The following MYCN variants were observed in gnomAD, a reference collection of about 807,000 sequenced individuals.
The protein encoded by MYCN is MYCN proto-oncogene, bHLH transcription factor.
A neutral mutation model predicts 28.1 loss-of-function variants in MYCN; 3 were observed. The observed-to-expected ratio is 0.11, with a 90% CI of 0.05 to 0.28. The LOEUF is 0.28. Among genes scored for constraint, MYCN ranks in the 10% least tolerant of loss-of-function variants. MYCN has a pLI of 1.00. For synonymous variants in MYCN, 326 were observed against 288.3 expected (o/e 1.13, Z -1.32); for missense variants, 572 against 651.4 (o/e 0.88, Z 1.33).
At chr2:15,943,751 C>T (rs1485373155) in intron 2 of MYCN, among the ~76,000 whole-genome samples, 1 of 152,200 alleles carries the variant, frequency 6.6e-6, no homozygotes, top group Non-Finnish European at 1.5e-5. Flanking sequence ...ACTCAGCAGC[C>T]TCTCCAGGAA....
In MYCN at chr2:15,946,894, GTAAA is replaced by G. The variant is rs531921949; in HGVS notation, c.*799_*802del. ...GTTCATGTTTGGTGCATAGAACTGG[GTAAA>G]TGCAAAGTTCTGTGTTTAATTTCTT... On this transcript the variant is annotated 3_prime_UTR_variant, in exon 3 of 3. Coordinates refer to ENST00000281043, the MANE Select transcript of MYCN (RefSeq NM_005378.6). The G allele has an allele frequency of 8.1e-4, 176 of 217,804 alleles. 1 individual carries two copies. The highest frequency in any genetic ancestry group is 1.4e-3 in the Non-Finnish European group (147 of 108,130). The allele number at this position is 217,804 out of a possible 1,614,324, so 13.5% of individuals were successfully genotyped here.
rs1255551705 is a variant in MYCN at position 15,946,058 on chromosome 2, G to A, written c.1356G>A (p.Gln452=). The change falls in exon 3 of 3, where the codon CAG becomes CAA. Residue 452 remains glutamine, a synonymous_variant. Transcript: ENST00000281043. The part of the protein sequence containing the change: ...LEKEKLQARQ[Q]QLLKKIEHAR... ...AGGAAAAATTGCAGGCAAGACAGCA[G>A]CAGTTGCTAAAGAAAATTGAACACG... 1.2e-6 allele frequency: 2 copies of A among 1,614,124 alleles called. No homozygotes were observed. The highest frequency in any genetic ancestry group is 1.7e-6 in the Non-Finnish European group (2 of 1,180,052).
At position 15,941,862 on chromosome 2, in the gene MYCN, G is replaced by T. The variant is rs1662686211; in HGVS notation, c.-117-86G>T. The T allele has an allele frequency of 1.6e-6, 1 of 623,598 alleles. No homozygotes were observed. The highest frequency in any genetic ancestry group is 1.8e-5 in the African/African-American group (1 of 54,350). 38.6% of individuals were successfully genotyped at this position (623,598 alleles called of 1,614,324 possible). A position where few individuals can be genotyped will look rare whatever the true frequency, so the allele number is the denominator to read the frequency against. On this transcript the variant is annotated intron_variant, in intron 1 of 2. Transcript: ENST00000281043. This position sits in a 1 kb window ranked among gnomAD's most constrained non-coding sequence, Gnocchi z 4.8. ...GTGGGGGGCTTGGAGGGAAGATTGG[G>T]GAACCTGGTTAGAGGGGGCGCCCAT... is the stretch of plus-strand genomic sequence containing the variant.
intron 2 of MYCN, among the ~76,000 whole-genome samples, chr2:15,944,407 G>T (rs1662803790): frequency 6.6e-6 from 1 of 152,122 alleles, no homozygotes; most frequent in South Asian, 2.1e-4. Flanking sequence ...CCCATTTGGG[G>T]GTTTATACCA....
rs2103324043 is a variant in MYCN, at chr2:15,942,244, G to A, written c.180G>A (p.Pro60=). 6.2e-7 allele frequency: 1 copy of A among 1,612,798 alleles called. No individual in the cohort carries two copies. Among genetic ancestry groups the A allele is most frequent in the Non-Finnish European group, 8.5e-7 (1 of 1,179,872 alleles). ...WKKFELLPTP[P]LSPSRGFAEH... is the part of the protein sequence containing the mutation. The stretch of plus-strand genomic sequence containing the variant: ...AGTTTGAGCTGCTGCCCACGCCCCC[G>A]CTGTCGCCCAGCCGTGGCTTCGCGG... Residue 60 remains proline, a synonymous_variant, in exon 2 of 3, where the codon CCG becomes CCA. Transcript: ENST00000281043. The surrounding 1 kb of genome is among the most constrained non-coding windows in gnomAD (Gnocchi z 7.0).
At chr2:15,944,836 G>A (rs137893042) in intron 2 of MYCN, among the ~76,000 whole-genome samples, 33 of 152,152 alleles carry the variant, frequency 2.2e-4, no homozygotes, top group African/African-American at 7.2e-4. Context: ...ACTAGTCTGC[G>A]GTGGAGCCAG....
rs1010283630 is a variant in MYCN at position 15,944,190 on chromosome 2, G to A, written c.791-1303G>A. 3.3e-5 allele frequency among the ~76,000 whole-genome samples: 5 copies of A among 152,118 alleles called. No homozygotes were observed. In the East Asian group the frequency reaches 5.8e-4, roughly 18 times the overall value. On this transcript the variant is annotated intron_variant, in intron 2 of 2. Transcript: ENST00000281043. ...ACAGACTGGAACAGCCTCACATTTC[G>A]GCTTTAGAACAAATCCCACAATTGT...
At position 15,942,825 on chromosome 2, in the gene MYCN, C is replaced by A; in HGVS notation, c.761C>A (p.Thr254Asn). The stretch of plus-strand genomic sequence containing the variant: ...GGCGGCGACCACAAGGCCCTCAGTA[C>A]CTCCGGAGAGGACACCCTGAGCGAT... ...TSGGDHKALS[T>N]SGEDTLSDSD... Residue 254 changes from threonine (T) to asparagine (N), a missense_variant, in exon 2 of 3, where the codon ACC becomes AAC. Thr to Asn is a moderately conservative substitution (Grantham distance 65). Transcript: ENST00000281043. This position sits in a 1 kb window ranked among gnomAD's most constrained non-coding sequence, Gnocchi z 7.0. 1 of 1,578,572 alleles carries A rather than the reference C, an allele frequency of 6.3e-7. No individual in the cohort carries two copies. Among genetic ancestry groups the A allele is most frequent in the African/African-American group, 1.3e-5 (1 of 74,166 alleles).
At chr2:15,944,994 G>A (rs1558535635) in intron 2 of MYCN, among the ~76,000 whole-genome samples, 2 of 140,194 alleles carry the variant, frequency 1.4e-5, no homozygotes, top group South Asian at 4.6e-4. Flanking sequence ...GTATGTATGG[G>A]GGGTTGTTTT....
rs1037980749 is a variant in MYCN at position 15,942,006 on chromosome 2, C to T, written c.-59C>T. On this transcript the variant is annotated 5_prime_UTR_variant, in exon 2 of 3. Transcript: ENST00000281043. This position sits in a 1 kb window ranked among gnomAD's most constrained non-coding sequence, Gnocchi z 7.0. Reference sequence around the variant, plus strand: ...GCCCCCCACGGGAAGGAAGCACCCCCGGTATTAAAACGAACGGGGCGGAAA... The same window carrying T: ...GCCCCCCACGGGAAGGAAGCACCCCTGGTATTAAAACGAACGGGGCGGAAA... 618 of 1,606,308 alleles carry T rather than the reference C, an allele frequency of 3.8e-4. 1 individual carries two copies. The highest frequency in any genetic ancestry group is 5.0e-4 in the Non-Finnish European group (588 of 1,176,906).
rs771181407 is a variant in MYCN, at chr2:15,946,696, G to A, written c.*599G>A. Reference sequence around the variant, plus strand: ...ATTCTTACACTGCCTGTATACTTTAGTATGACGCTGATACATAACTAAATT... The same window carrying A: ...ATTCTTACACTGCCTGTATACTTTAATATGACGCTGATACATAACTAAATT... On this transcript the variant is annotated 3_prime_UTR_variant, in exon 3 of 3. Coordinates refer to ENST00000281043, the MANE Select transcript of MYCN (RefSeq NM_005378.6). The A allele has an allele frequency of 9.9e-5, 23 of 233,028 alleles. No individual in the cohort carries two copies. The highest frequency in any genetic ancestry group is 1.8e-4 in the Non-Finnish European group (21 of 117,756). The allele number at this position is 233,028 out of a possible 1,614,324, so 14.4% of individuals were successfully genotyped here. A position where few individuals can be genotyped will look rare whatever the true frequency, so the allele number is the denominator to read the frequency against.
In MYCN at chr2:15,942,006, C is replaced by A. The variant is rs1037980749; in HGVS notation, c.-59C>A. On this transcript the variant is annotated 5_prime_UTR_variant, in exon 2 of 3. Transcript: ENST00000281043. This position sits in a 1 kb window ranked among gnomAD's most constrained non-coding sequence, Gnocchi z 7.0. ...GCCCCCCACGGGAAGGAAGCACCCC[C>A]GGTATTAAAACGAACGGGGCGGAAA... 18 of 1,606,310 alleles carry A rather than the reference C, an allele frequency of 1.1e-5. No individual in the cohort carries two copies. The highest frequency in any genetic ancestry group is 1.5e-5 in the Non-Finnish European group (18 of 1,176,908).
At position 15,942,359 on chromosome 2, in the gene MYCN, C is replaced by T. The variant is rs767373881; in HGVS notation, c.295C>T (p.Leu99=). The change falls in exon 2 of 3, where the codon CTG becomes TTG. Residue 99 remains leucine, a synonymous_variant. Transcript: ENST00000281043. The surrounding 1 kb of genome is among the most constrained non-coding windows in gnomAD (Gnocchi z 7.0). ...GSPAEEDAFG[L]GGLGGLTPNP... ...CCCGGCCGAGGAGGACGCGTTCGGCCTGGGGGGACTGGGTGGCCTCACCCC... is the reference window on the plus strand; with the variant it reads ...CCCGGCCGAGGAGGACGCGTTCGGCTTGGGGGGACTGGGTGGCCTCACCCC... The T allele has an allele frequency of 2.2e-5, 36 of 1,606,644 alleles. No homozygotes were observed. Among genetic ancestry groups the T allele is most frequent in the Non-Finnish European group, 2.9e-5 (34 of 1,177,740 alleles).
In MYCN at chr2:15,942,727, G is replaced by C. The variant is rs746755569; in HGVS notation, c.663G>C (p.Ser221=). Residue 221 remains serine (S), a synonymous_variant, in exon 2 of 3, where the codon TCG becomes TCC. Coordinates refer to ENST00000281043, the MANE Select transcript of MYCN (RefSeq NM_005378.6). The surrounding 1 kb of genome is among the most constrained non-coding windows in gnomAD (Gnocchi z 7.0). ...SAPAAGPAVA[S]GAGIAAPAGA... ...CGGCGGCGGGCCCTGCGGTCGCCTCGGGGGCGGGTATTGCCGCCCCAGCCG... is the reference window on the plus strand; with the variant it reads ...CGGCGGCGGGCCCTGCGGTCGCCTCCGGGGCGGGTATTGCCGCCCCAGCCG... 3.9e-6 allele frequency: 5 copies of C among 1,267,926 alleles called. No homozygotes were observed. Among genetic ancestry groups the C allele is most frequent in the Non-Finnish European group, 5.0e-6 (5 of 1,008,780 alleles). The allele number at this position is 1,267,926 out of a possible 1,614,324, so 78.5% of individuals were successfully genotyped here.
At chr2:15,944,175 A>T (rs1221051298) in intron 2 of MYCN, among the ~76,000 whole-genome samples, 1 of 152,198 alleles carries the variant, frequency 6.6e-6, no homozygotes, top group Non-Finnish European at 1.5e-5. Context: ...ACAGACTGGA[A>T]CAGCCTCACA....
At chr2:15,940,980 G>A (rs1445170513) in intron 1 of MYCN, 5 of 387,852 alleles carry the variant, frequency 1.3e-5, no homozygotes, top group African/African-American at 2.1e-5. Flanking sequence ...TTACCGGGGG[G>A]AGTAATGGCT....
At chr2:15,943,410 T>C (rs1049337290) in intron 2 of MYCN, among the ~76,000 whole-genome samples, 10 of 150,758 alleles carry the variant, frequency 6.6e-5, no homozygotes, top group Non-Finnish European at 1.3e-4. Flanking sequence ...TTTCTTTTTT[T>C]TTTTTTTTCA....
chr2:15,942,152 C>T lies in MYCN; in HGVS notation c.88C>T (p.Pro30Ser). Residue 30 changes from proline (P) to serine (S), a missense_variant, in exon 2 of 3, where the codon CCG (proline) becomes TCG (serine). Pro to Ser is a moderately conservative substitution (Grantham distance 74). Around this residue, in one of 3 missense-constraint regions of MYCN, gnomAD observed 499 missense variants for 524.3 expected, o/e 0.95. Transcript: ENST00000281043. This position sits in a 1 kb window ranked among gnomAD's most constrained non-coding sequence, Gnocchi z 7.0. Reference protein sequence around the residue: ...EFDSLQPCFYPDEDDFYFGGP... With the variant: ...EFDSLQPCFYSDEDDFYFGGP... Reference sequence around the variant, plus strand: ...TGACTCGCTACAGCCCTGCTTCTACCCGGACGAAGATGACTTCTACTTCGG... The same window carrying T: ...TGACTCGCTACAGCCCTGCTTCTACTCGGACGAAGATGACTTCTACTTCGG... The T allele has an allele frequency of 6.2e-7, 1 of 1,613,960 alleles. No homozygotes were observed. Among genetic ancestry groups the T allele is most frequent in the Non-Finnish European group, 8.5e-7 (1 of 1,180,024 alleles).
rs1662822774 is a variant in MYCN at position 15,945,004 on chromosome 2, T to C, written c.791-489T>C. Among the ~76,000 whole-genome samples, 2 of 151,894 alleles carry C rather than the reference T, an allele frequency of 1.3e-5. No homozygotes were observed. Among genetic ancestry groups the C allele is most frequent in the Admixed American group, 1.3e-4 (2 of 15,238 alleles). On this transcript the variant is annotated intron_variant, in intron 2 of 2. Transcript: ENST00000281043. The surrounding 1 kb of genome is among the most constrained non-coding windows in gnomAD (Gnocchi z 4.8). The stretch of plus-strand genomic sequence containing the variant: ...TGTATGTATGTATGGGGGGTTGTTT[T>C]GTTTTTGTTTTTGATAAGGAGTTTT...
Sources: gnomAD v4.1 joint callset for allele counts (sites outside exome capture counted in the v4.1 genomes callset) on GRCh38, gnomAD v4.1.1 for gene constraint, gnomAD v4.1.1 regional missense constraint, Gnocchi (gnomAD v3.1) non-coding constraint, MANE v1.5 for transcripts, NCBI Gene and HGNC (gene_info 2026-07-23, HGNC 2026-07-21) for gene names.